Variants in BCL7A observed in about 807,000 individuals in gnomAD.
The protein encoded by BCL7A is B-cell CLL/lymphoma 7 protein family member A.
In BCL7A, 11 loss-of-function variants were observed where a neutral mutation model predicts 28.4. The ratio of observed to expected loss-of-function variants is 0.39; its 90% confidence interval spans 0.24 to 0.64. The LOEUF (loss-of-function observed/expected upper bound fraction) is 0.64, where lower values mean the gene tolerates loss of function less well. Ranked by LOEUF, BCL7A falls within the 30% of genes least tolerant of loss-of-function variation. The pLI is 0.50. For synonymous variants in BCL7A, 123 were observed against 103.3 expected (o/e 1.19, Z -1.15); for missense variants, 222 against 274.8 (o/e 0.81, Z 1.36).
At chr12:122,037,266 A>G (rs1046955535) in intron 3 of BCL7A, among the ~76,000 whole-genome samples, 3 of 152,158 alleles carry the variant, frequency 2.0e-5, no homozygotes, top group Non-Finnish European at 2.9e-5. Flanking sequence ...GCCTTTTTCT[A>G]TCTCTTGACC....
intron 4 of BCL7A, among the ~76,000 whole-genome samples, chr12:122,054,032 T>TA (rs764910271): frequency 3.3e-5 from 5 of 152,116 alleles, no homozygotes; most frequent in Non-Finnish European, 7.4e-5. Flanking sequence ...TTTCTGTACT[T>TA]TTCTGTTTCC....
intron 1 of BCL7A, among the ~76,000 whole-genome samples, chr12:122,022,430 A>C (rs1883485078): frequency 7.1e-6 from 1 of 140,896 alleles, no homozygotes; most frequent in South Asian, 2.3e-4. Flanking sequence ...GGCGGCCCGG[A>C]GGCGGCGGGC....
At chr12:122,038,233 A>G (rs1593027881) in intron 3 of BCL7A, among the ~76,000 whole-genome samples, 1 of 151,660 alleles carries the variant, frequency 6.6e-6, no homozygotes, top group African/African-American at 2.4e-5. Context: ...GGAGTTCAAG[A>G]CCAGCCTGGC....
At chr12:122,026,572 G>A (rs1883634453) in intron 1 of BCL7A, among the ~76,000 whole-genome samples, 1 of 152,252 alleles carries the variant, frequency 6.6e-6, no homozygotes, top group Admixed American at 6.5e-5. Context: ...TCCCAGGAGA[G>A]GTAGAGGTTT....
At chr12:122,028,329 C>G (rs1406561920) in intron 1 of BCL7A, among the ~76,000 whole-genome samples, 1 of 152,142 alleles carries the variant, frequency 6.6e-6, no homozygotes, top group Non-Finnish European at 1.5e-5. Flanking sequence ...AAACTTGCAT[C>G]TTGGCTGATT....
chr12:122,026,922 G>A (rs892128890), intron 1 of BCL7A, among the ~76,000 whole-genome samples: 4 of 152,196 alleles, frequency 2.6e-5, no homozygotes, highest in Non-Finnish European at 5.9e-5. Context: ...AGTCCGTGCT[G>A]GGGAGGAGCA....
rs945994998 is a variant in BCL7A at position 122,059,196 on chromosome 12, T to C, written c.*33T>C. 1.3e-6 allele frequency: 2 copies of C among 1,576,528 alleles called. No individual in the cohort carries two copies. The highest frequency in any genetic ancestry group is 1.7e-4 in the Middle Eastern group (1 of 5,986). On this transcript the variant is annotated 3_prime_UTR_variant, in exon 6 of 6. Coordinates refer to ENST00000261822, the MANE Select transcript of BCL7A (RefSeq NM_001024808.3). The surrounding 1 kb of genome is among the most constrained non-coding windows in gnomAD (Gnocchi z 4.0). ...TTTAAAGCCTCCGATCCATGTTCCA[T>C]GGAAGGTACATCAGCAATTAATTCT...
chr12:122,048,356 G>A, intron 4 of BCL7A, among the ~76,000 whole-genome samples: 1 of 152,126 alleles, frequency 6.6e-6, no homozygotes, highest in Non-Finnish European at 1.5e-5. Context: ...TGGGGCTTTT[G>A]AGTTCATAGT....
chr12:122,045,318 T>G (rs543494211), intron 4 of BCL7A, among the ~76,000 whole-genome samples: 5 of 151,952 alleles, frequency 3.3e-5, no homozygotes, highest in Non-Finnish European at 7.4e-5. Flanking sequence ...GAGGCGGAGG[T>G]TGCAGTGAGC....
Position 122,054,873 on chromosome 12 carries a change from C to G in BCL7A, c.508C>G (p.Arg170Gly). The change falls in exon 5 of 6, where the codon CGG (arginine) becomes GGG (glycine). Residue 170 changes from arginine (R) to glycine (G), a missense_variant. Around this residue, in one of 2 missense-constraint regions of BCL7A, gnomAD observed 155 missense variants for 145.7 expected, o/e 1.06. Transcript: ENST00000261822. ...HSMNSSEKVDRQPSGDSGLAA... is the reference protein window; with the variant it reads ...HSMNSSEKVDGQPSGDSGLAA... ...GATGAACAGCTCAGAGAAAGTAGAT[C>G]GGCAGCCGTCTGGAGACTCGGGTCT... 1 of 1,614,204 alleles carries G rather than the reference C, an allele frequency of 6.2e-7. No homozygotes were observed. The highest frequency in any genetic ancestry group is 1.1e-5 in the South Asian group (1 of 91,080).
chr12:122,024,875 T>A (rs1883580634), intron 1 of BCL7A, among the ~76,000 whole-genome samples: 1 of 152,256 alleles, frequency 6.6e-6, no homozygotes, highest in African/African-American at 2.4e-5. Context: ...TGGCAGATCA[T>A]TTGGCCCCAT....
chr12:122,052,491 C>G (rs2135858641), intron 4 of BCL7A, among the ~76,000 whole-genome samples: 1 of 152,296 alleles, frequency 6.6e-6, no homozygotes, highest in East Asian at 1.9e-4. Context: ...CAGCCGCAAT[C>G]ATTCTCCACT....
chr12:122,031,024 C>G (rs1483842944), intron 2 of BCL7A, among the ~76,000 whole-genome samples: 1 of 152,008 alleles, frequency 6.6e-6, no homozygotes, highest in Non-Finnish European at 1.5e-5. Context: ...GTGTCTTCTT[C>G]TTCTTCTTCT....
intron 1 of BCL7A, among the ~76,000 whole-genome samples, chr12:122,022,663 C>T (rs1438760795): frequency 1.4e-5 from 2 of 146,250 alleles, no homozygotes; most frequent in Non-Finnish European, 3.0e-5. Flanking sequence ...CCCCGCGCAC[C>T]CCGGCCCGCG....
intron 4 of BCL7A, among the ~76,000 whole-genome samples, chr12:122,047,075 T>C (rs1378975037): frequency 6.6e-6 from 1 of 151,878 alleles, no homozygotes; most frequent in Non-Finnish European, 1.5e-5. Flanking sequence ...GGCTAATTTT[T>C]GTATTTTTAG....
At chr12:122,026,066 G>A (rs181425846) in intron 1 of BCL7A, among the ~76,000 whole-genome samples, 351 of 151,418 alleles carry the variant, frequency 2.3e-3, no homozygotes, top group African/African-American at 8.4e-3. Flanking sequence ...TCAGGAGATC[G>A]AGACCATCCT....
At position 122,061,090 on chromosome 12, in the gene BCL7A, AC is replaced by A. The variant is rs1317666638; in HGVS notation, c.*1929del. ...TCTCCACGCATCTCGAGGCGGCGTT[AC>A]CTCCAGATTCCGTAGAGTTAGAGTC... On this transcript the variant is annotated 3_prime_UTR_variant, in exon 6 of 6. Transcript: ENST00000261822. 4.4e-6 allele frequency: 1 copy of A among 226,438 alleles called. No individual in the cohort carries two copies. The highest frequency in any genetic ancestry group is 2.2e-5 in the African/African-American group (1 of 44,874). The allele number at this position is 226,438 out of a possible 1,614,324, so 14.0% of individuals were successfully genotyped here. A position where few individuals can be genotyped will look rare whatever the true frequency, so the allele number is the denominator to read the frequency against.
At chr12:122,041,520 T>C (rs1346141861) in intron 3 of BCL7A, among the ~76,000 whole-genome samples, 1 of 152,198 alleles carries the variant, frequency 6.6e-6, no homozygotes, top group African/African-American at 2.4e-5. Flanking sequence ...ATCTCAGTGC[T>C]TTGGGAGGCC....
chr12:122,033,908 C>G (rs1192848521), intron 2 of BCL7A, among the ~76,000 whole-genome samples: 2 of 152,130 alleles, frequency 1.3e-5, no homozygotes, highest in African/African-American at 4.8e-5. Context: ...CCGGTAACCA[C>G]CAGTCCACTT....
Sources: gnomAD v4.1 joint callset for allele counts (sites outside exome capture counted in the v4.1 genomes callset) on GRCh38, gnomAD v4.1.1 for gene constraint, gnomAD v4.1.1 regional missense constraint, Gnocchi (gnomAD v3.1) non-coding constraint, MANE v1.5 for transcripts, NCBI Gene and HGNC (gene_info 2026-07-23, HGNC 2026-07-21) for gene names.